Variants in LONP1 observed in about 807,000 individuals in gnomAD.
LONP1 encodes the protein lon protease homolog, mitochondrial.
Under a neutral mutation model 98.5 loss-of-function variants are expected in LONP1, and 31 were observed. The observed-to-expected ratio is 0.31, with a 90% CI of 0.24 to 0.42. The LOEUF (loss-of-function observed/expected upper bound fraction) is 0.42. Among genes scored for constraint, LONP1 ranks in the 20% least tolerant of loss-of-function variants. The pLI is 1.00. For missense variants in LONP1, 1,336 were observed against 1,350.6 expected (o/e 0.99, Z 0.17); for synonymous variants, 781 against 594.7 (o/e 1.31, Z -4.56).
chr19:5,707,572 G>T, intron 6 of LONP1, 125 bp downstream of exon 6: 1 of 1,003,604 alleles, frequency 1.0e-6, no homozygotes, highest in Non-Finnish European at 1.5e-6. Context: ...GGTGCACGGT[G>T]GAGGGACAAG....
At chr19:5,700,726 C>A in intron 9 of LONP1, 63 bp downstream of exon 9, 2 of 1,598,820 alleles carry the variant, frequency 1.3e-6, no homozygotes, top group Non-Finnish European at 1.7e-6. Flanking sequence ...ACCCACAGCA[C>A]ACAAGAGTCC....
At chr19:5,706,309 AATT>A (rs2055144774) in intron 7 of LONP1, among the ~76,000 whole-genome samples, 1 of 152,040 alleles carries the variant, frequency 6.6e-6, no homozygotes, top group Non-Finnish European at 1.5e-5. Flanking sequence ...CTAATTTTAA[AATT>A]TTTTGTAGAG....
intron 4 of LONP1, among the ~76,000 whole-genome samples, chr19:5,711,400 C>T (rs2055234701): frequency 6.6e-6 from 1 of 152,162 alleles, no homozygotes; most frequent in Non-Finnish European, 1.5e-5. Flanking sequence ...TGTTTCCTGT[C>T]CTGCAACCAC....
In LONP1 at chr19:5,696,119, G is replaced by A. The variant is rs756678592; in HGVS notation, c.1948C>T (p.Arg650Ter). The A allele has an allele frequency of 6.2e-7, 1 of 1,613,100 alleles. No homozygotes were observed. Among genetic ancestry groups the A allele is most frequent in the Non-Finnish European group, 8.5e-7 (1 of 1,179,902 alleles). ...ACGTTGATCATCTCCATACGGTCTC[G>A]CAGCGGCTCGGGGATGGTGTCCGTG... Reference protein sequence around the residue: ...NVTDTIPEPLRDRMEMINVSG... With the variant: ...NVTDTIPEPL The change falls in exon 13 of 18, where the codon CGA becomes TGA. Residue 650 changes from arginine (R) to a stop codon, truncating the protein, a stop_gained. Transcript: ENST00000360614. LOFTEE classifies it high-confidence loss of function.
chr19:5,694,587 G>C, intron 14 of LONP1, 35 bp from the exon 15 acceptor site: 1 of 1,570,164 alleles, frequency 6.4e-7, no homozygotes, highest in South Asian at 1.1e-5. Flanking sequence ...GGCACGGGAA[G>C]GTGGGGTGAC....
chr19:5,711,678 T>A (rs1650708289), intron 4 of LONP1, 93 bp downstream of exon 4: 6 of 1,009,964 alleles, frequency 5.9e-6, no homozygotes, highest in South Asian at 1.5e-5. Context: ...GGGCTCAGGG[T>A]GGGAGATGAC....
intron 8 of LONP1, 27 bp downstream of exon 8, chr19:5,705,745 C>T: frequency 1.2e-6 from 2 of 1,609,408 alleles, no homozygotes; most frequent in East Asian, 2.2e-5. Flanking sequence ...CACCTGAGGG[C>T]TGGGCCGCCC....
At chr19:5,707,332 T>G (rs550560378) in intron 6 of LONP1, among the ~76,000 whole-genome samples, 189 bp from the exon 7 acceptor site, 1 of 152,304 alleles carries the variant, frequency 6.6e-6, no homozygotes, top group Admixed American at 6.5e-5. Context: ...CTACGGATAC[T>G]TCACAGGCCC....
chr19:5,692,244 T>G, intron 17 of LONP1, 36 bp from the exon 18 acceptor site: 1 of 1,576,516 alleles, frequency 6.3e-7, no homozygotes, highest in Non-Finnish European at 8.6e-7. Context: ...TGCCTGGGCC[T>G]GTGGGAGGGC....
chr19:5,718,925 T>A (rs1244015432), intron 1 of LONP1, among the ~76,000 whole-genome samples: 1 of 152,134 alleles, frequency 6.6e-6, no homozygotes, highest in Non-Finnish European at 1.5e-5. Context: ...AAGAACACAC[T>A]GAATAACCCA....
intron 4 of LONP1, among the ~76,000 whole-genome samples, 154 bp downstream of exon 4, chr19:5,711,617 C>A (rs1038646544): frequency 6.6e-6 from 1 of 152,184 alleles, no homozygotes; most frequent in African/African-American, 2.4e-5. Flanking sequence ...GGAAAAGCAC[C>A]CTCTATGTTC....
intron 1 of LONP1, 69 bp downstream of exon 1, chr19:5,719,635 T>G: frequency 1.2e-6 from 2 of 1,610,640 alleles, no homozygotes; most frequent in Non-Finnish European, 1.7e-6. Flanking sequence ...GGCGCTCAAG[T>G]GATCCCACGG....
chr19:5,711,688 C>G lies in LONP1; in HGVS notation c.870+83G>C, dbSNP rs1056566200. ...CTAAGGGGCTCAGGGTGGGAGATGA[C>G]TCTTCGGAGAGGCCGCAGGAACGGC... On this transcript the variant is annotated intron_variant, in intron 4 of 17. Transcript: ENST00000360614. The G allele has an allele frequency of 2.1e-5, 24 of 1,164,896 alleles. No individual in the cohort carries two copies. The African/African-American group carries it at 3.5e-4, about 17-fold the overall frequency. The allele number at this position is 1,164,896 out of a possible 1,614,324, so 72.2% of individuals were successfully genotyped here.
chr19:5,707,576 G>T, intron 6 of LONP1, 121 bp downstream of exon 6: 1 of 1,058,908 alleles, frequency 9.4e-7, no homozygotes, highest in Non-Finnish European at 1.4e-6. Flanking sequence ...CACGGTGGAG[G>T]GACAAGGGCA....
At chr19:5,716,633 A>C (rs75725649) in intron 1 of LONP1, among the ~76,000 whole-genome samples, 1 of 151,742 alleles carries the variant, frequency 6.6e-6, no homozygotes, top group African/African-American at 2.4e-5. Flanking sequence ...TGTTATAAGT[A>C]AAATGTTTGT....
intron 15 of LONP1, 66 bp from the exon 16 acceptor site, chr19:5,693,835 C>T (rs2054876373): frequency 3.0e-6 from 4 of 1,341,942 alleles, no homozygotes; most frequent in Non-Finnish European, 4.2e-6. Context: ...CACTCCACCC[C>T]TCGGGGCCAC....
chr19:5,706,774 C>T (rs2055152339), intron 7 of LONP1, among the ~76,000 whole-genome samples: 1 of 152,198 alleles, frequency 6.6e-6, no homozygotes, highest in Non-Finnish European at 1.5e-5. Context: ...CCCAAGATTA[C>T]AAAGGCAAAG....
intron 8 of LONP1, 22 bp downstream of exon 8, chr19:5,705,750 C>A (rs1489272980): frequency 1.2e-6 from 2 of 1,610,704 alleles, no homozygotes; most frequent in Non-Finnish European, 1.7e-6. Context: ...GAGGGCTGGG[C>A]CGCCCCGGGC....
intron 6 of LONP1, 66 bp from the exon 7 acceptor site, chr19:5,707,209 TG>T: frequency 1.5e-6 from 2 of 1,317,518 alleles, no homozygotes; most frequent in Non-Finnish European, 1.1e-6. Context: ...GGGCCGAGGT[TG>T]GGGGAAAATG....
Sources: allele counts gnomAD v4.1 joint callset (sites outside exome capture counted in the v4.1 genomes callset), GRCh38; gene constraint gnomAD v4.1.1; transcripts MANE v1.5; gene names NCBI Gene and HGNC (gene_info 2026-07-23, HGNC 2026-07-21).